Variants in PARD6G observed in about 807,000 individuals in gnomAD.
The protein encoded by PARD6G is partitioning defective 6 homolog gamma.
Under a neutral mutation model 10.7 loss-of-function variants are expected in PARD6G, and 7 were observed. That is an observed-to-expected ratio of 0.66 (90% confidence interval 0.37 to 1.23). PARD6G has a LOEUF of 1.23. Ranked by LOEUF, PARD6G falls within the 50% of genes most tolerant of loss-of-function variation. The pLI, the probability that PARD6G is intolerant of heterozygous loss-of-function variation, is 0.02. For synonymous variants in PARD6G, 287 were observed against 269.4 expected (o/e 1.07, Z -0.64); for missense variants, 548 against 571.8 (o/e 0.96, Z 0.42).
At chr18:80,202,554 CTA>C (rs1967017276) in intron 2 of PARD6G, 154 bp downstream of exon 2, 6 of 605,918 alleles carry the variant, frequency 9.9e-6, no homozygotes, top group Non-Finnish European at 1.2e-5. Context: ...AGTATTTTGT[CTA>C]TTAATGCTGA....
rs1221298234 is a variant in PARD6G at position 80,247,477 on chromosome 18, C to G, written c.-129G>C. 6.8e-6 allele frequency: 3 copies of G among 443,088 alleles called. No individual in the cohort carries two copies. Among genetic ancestry groups the G allele is most frequent in the Admixed American group, 5.9e-5 (1 of 16,996 alleles). The allele number at this position is 443,088 out of a possible 1,614,324, so 27.4% of individuals were successfully genotyped here. On this transcript the variant is annotated 5_prime_UTR_variant, in exon 1 of 3. Transcript: ENST00000353265. This position sits in a 1 kb window ranked among gnomAD's most constrained non-coding sequence, Gnocchi z 4.2. The stretch of plus-strand genomic sequence containing the variant: ...GCTCGCTTGGCCGGCGGGCTGCTCC[C>G]GGTGCTGCGGGCCCGAGCTGGGCTG...
chr18:80,198,975 G>C (rs1966983290), intron 2 of PARD6G, among the ~76,000 whole-genome samples: 1 of 152,108 alleles, frequency 6.6e-6, no homozygotes, highest in Non-Finnish European at 1.5e-5. Flanking sequence ...TCTAGTTCTA[G>C]AACATTTCTA....
chr18:80,242,670 T>G (rs935497816), intron 1 of PARD6G, among the ~76,000 whole-genome samples: 7 of 152,214 alleles, frequency 4.6e-5, no homozygotes, highest in African/African-American at 1.7e-4. Context: ...CTGCACTGAT[T>G]GGAAACATTG....
At chr18:80,243,051 C>T (rs1179285710) in intron 1 of PARD6G, among the ~76,000 whole-genome samples, 2 of 152,130 alleles carry the variant, frequency 1.3e-5, no homozygotes, top group African/African-American at 2.4e-5. Context: ...ATGTCACTTC[C>T]AGGAATTTGT....
chr18:80,226,603 T>A (rs1568442219), intron 1 of PARD6G, among the ~76,000 whole-genome samples: 1 of 152,204 alleles, frequency 6.6e-6, no homozygotes, highest in South Asian at 2.1e-4. Flanking sequence ...TAATTGTATA[T>A]TTTGAAAACA....
chr18:80,159,914 C>A lies in PARD6G; in HGVS notation c.988G>T (p.Gly330Cys). 1 of 1,515,542 alleles carries A rather than the reference C, an allele frequency of 6.6e-7. No homozygotes were observed. The highest frequency in any genetic ancestry group is 8.8e-7 in the Non-Finnish European group (1 of 1,138,314). The allele number at this position is 1,515,542 out of a possible 1,614,324, so 93.9% of individuals were successfully genotyped here. A position where few individuals can be genotyped will look rare whatever the true frequency, so the allele number is the denominator to read the frequency against. Residue 330 changes from glycine (G) to cysteine (C), a missense_variant, in exon 3 of 3, where the codon GGC becomes TGC. This residue lies in a region of PARD6G where 313 missense variants were observed against 279.9 expected (regional missense o/e 1.12). Transcript: ENST00000353265. Reference protein sequence around the residue: ...AGSLSRVNGAGLAQRLQRDLA... With the variant: ...AGSLSRVNGACLAQRLQRDLA... ...TCCCGCTGCAGCCGCTGCGCCAGGC[C>A]CGCGCCATTGACCCGGGAGAGGCTG... is the stretch of plus-strand genomic sequence containing the variant.
intron 2 of PARD6G, among the ~76,000 whole-genome samples, chr18:80,174,955 T>TA (rs71338093): frequency 2.8e-3 from 402 of 144,770 alleles, no homozygotes; most frequent in African/African-American, 6.7e-3. Context: ...TCTCAAAAAA[T>TA]AAAAAAAAAA....
chr18:80,199,056 G>A (rs1338658292), intron 2 of PARD6G, among the ~76,000 whole-genome samples: 1 of 152,158 alleles, frequency 6.6e-6, no homozygotes, highest in Non-Finnish European at 1.5e-5. Flanking sequence ...ATGAGTCTAT[G>A]GATTTGCCCA....
rs185880591 is a variant in PARD6G, at chr18:80,168,330, A to T, written c.296-7724T>A. 2.1e-3 allele frequency among the ~76,000 whole-genome samples: 322 copies of T among 152,308 alleles called. 4 individuals carry two copies. The highest frequency in any genetic ancestry group is 7.6e-3 in the African/African-American group (317 of 41,520). On this transcript the variant is annotated intron_variant, in intron 2 of 2. Coordinates refer to ENST00000353265, the MANE Select transcript of PARD6G (RefSeq NM_032510.4). ...ATATGAACCCTTGCATATGGACTTC[A>T]TTAGTGAAAAATTCCAAACTTTCTT... is the stretch of plus-strand genomic sequence containing the variant.
At chr18:80,170,869 G>C (rs2052771309) in intron 2 of PARD6G, 1 of 152,084 alleles carries the variant, frequency 6.6e-6, no homozygotes, top group South Asian at 2.1e-4. Flanking sequence ...ACTTGCCTCT[G>C]GAATGTTCTG....
chr18:80,238,783 G>A (rs1967456872), intron 1 of PARD6G, among the ~76,000 whole-genome samples: 1 of 151,358 alleles, frequency 6.6e-6, no homozygotes, highest in African/African-American at 2.4e-5. Context: ...TTTGAGCCCT[G>A]AGGCAGGAAG....
Position 80,188,422 on chromosome 18 carries a change from T to C in PARD6G, c.295+14288A>G, listed in dbSNP as rs2052891291. Reference sequence around the variant, plus strand: ...GAGCACAGATGCAGTTCCAAGGACCTAGGCACCTCCTCATGGTGCCTTCCA... The same window carrying C: ...GAGCACAGATGCAGTTCCAAGGACCCAGGCACCTCCTCATGGTGCCTTCCA... On this transcript the variant is annotated intron_variant, in intron 2 of 2. Transcript: ENST00000353265. This position sits in a 1 kb window ranked among gnomAD's most constrained non-coding sequence, Gnocchi z 5.4. 6.6e-6 allele frequency among the ~76,000 whole-genome samples: 1 copy of C among 152,162 alleles called. No homozygotes were observed. Among genetic ancestry groups the C allele is most frequent in the Non-Finnish European group, 1.5e-5 (1 of 68,026 alleles).
rs1555733306 is a variant in PARD6G at position 80,160,442 on chromosome 18, C to T, written c.460G>A (p.Glu154Lys). 2 of 1,582,544 alleles carry T rather than the reference C, an allele frequency of 1.3e-6. No individual in the cohort carries two copies. Among genetic ancestry groups the T allele is most frequent in the East Asian group, 2.3e-5 (1 of 43,390 alleles). Reference sequence around the variant, plus strand: ...TGCAGCCGCACTCGCCGGTGCGTCTCGGGGACCAGGTCCACATCGATGATG... The same window carrying T: ...TGCAGCCGCACTCGCCGGTGCGTCTTGGGGACCAGGTCCACATCGATGATG... ...SSIIDVDLVP[E>K]THRRVRLHRH... The change falls in exon 3 of 3, where the codon GAG becomes AAG. Residue 154 changes from glutamate (E) to lysine (K), a missense_variant. Physicochemically the swap from Glu to Lys is moderately conservative, Grantham distance 56. Around this residue, in one of 2 missense-constraint regions of PARD6G, gnomAD observed 235 missense variants for 291.9 expected, o/e 0.81. Coordinates refer to ENST00000353265, the MANE Select transcript of PARD6G (RefSeq NM_032510.4).
intron 1 of PARD6G, among the ~76,000 whole-genome samples, chr18:80,243,852 C>T (rs1179549820): frequency 1.3e-5 from 2 of 152,084 alleles, no homozygotes; most frequent in African/African-American, 2.4e-5. Flanking sequence ...CCAAAGAAAG[C>T]GTGGGCCGAG....
At chr18:80,172,045 T>TAA (rs1237056523) in intron 2 of PARD6G, among the ~76,000 whole-genome samples, 1 of 152,274 alleles carries the variant, frequency 6.6e-6, no homozygotes, top group Non-Finnish European at 1.5e-5. Context: ...TTTTCCCTTC[T>TAA]GCTGGATATA....
intron 1 of PARD6G, among the ~76,000 whole-genome samples, chr18:80,204,146 C>A (rs763794364): frequency 6.6e-6 from 1 of 152,096 alleles, no homozygotes; most frequent in Admixed American, 6.5e-5. Context: ...CTCGGCAATT[C>A]GGGATCTTTA....
In PARD6G at chr18:80,175,517, C is replaced by G. The variant is rs908316502; in HGVS notation, c.296-14911G>C. On this transcript the variant is annotated intron_variant, in intron 2 of 2. Transcript: ENST00000353265. The surrounding 1 kb of genome is among the most constrained non-coding windows in gnomAD (Gnocchi z 6.7). ...CGTCCTTACGATCTTATTTAACCTT[C>G]ATCACCCCCTAAAGACACTGTCTCC... is the stretch of plus-strand genomic sequence containing the variant. Among the ~76,000 whole-genome samples, 5 of 152,204 alleles carry G rather than the reference C, an allele frequency of 3.3e-5. No individual in the cohort carries two copies. The highest frequency in any genetic ancestry group is 5.9e-5 in the Non-Finnish European group (4 of 68,040).
intron 2 of PARD6G, among the ~76,000 whole-genome samples, chr18:80,179,983 T>C (rs7228551): frequency 0.87 from 131,791 of 152,294 alleles, 57,199 homozygotes; most frequent in Non-Finnish European, 0.9. Flanking sequence ...AGCTGTGCCG[T>C]AGCTGGTCTC....
intron 2 of PARD6G, among the ~76,000 whole-genome samples, chr18:80,185,309 A>AT (rs71898685): frequency 0.018 from 2,619 of 145,724 alleles, 33 homozygotes; most frequent in Non-Finnish European, 0.025. Context: ...TCAGAAGGTG[A>AT]TTTTTTTTTT....
Sources: allele counts gnomAD v4.1 joint callset (sites outside exome capture counted in the v4.1 genomes callset), GRCh38; gene constraint gnomAD v4.1.1; regional missense constraint gnomAD v4.1.1; non-coding constraint Gnocchi (gnomAD v3.1); transcripts MANE v1.5; gene names NCBI Gene and HGNC (gene_info 2026-07-23, HGNC 2026-07-21).